The following ARHGAP32 variants were observed in gnomAD, a reference collection of about 807,000 sequenced individuals.
ARHGAP32 encodes the protein rho GTPase-activating protein 32.
Under a neutral mutation model 186.5 loss-of-function variants are expected in ARHGAP32, and 51 were observed. The observed-to-expected ratio is 0.27, with a 90% CI of 0.22 to 0.35. ARHGAP32 has a LOEUF of 0.35. Ranked by LOEUF, ARHGAP32 falls within the 10% of genes least tolerant of loss-of-function variation. The pLI, the probability that ARHGAP32 is intolerant of heterozygous loss-of-function variation, is 1.00. For synonymous variants in ARHGAP32, 950 were observed against 964.3 expected (o/e 0.99, Z 0.27); for missense variants, 2,186 against 2,623.5 (o/e 0.83, Z 3.64).
intron 2 of ARHGAP32, among the ~76,000 whole-genome samples, chr11:129,126,786 C>T (rs1344571830): frequency 6.6e-6 from 1 of 152,040 alleles, no homozygotes; most frequent in Non-Finnish European, 1.5e-5. Context: ...GGTCATTCAA[C>T]TGAAAGTACT....
Position 129,123,585 on chromosome 11 carries a change from A to G in ARHGAP32, c.360-55T>C. ...GATAGTGAAACAGTAAAAATTACTA[A>G]GTTTAAGGGAAAAATACAGTGGATT... On this transcript the variant is annotated intron_variant, in intron 4 of 22. Transcript: ENST00000682385. The surrounding 1 kb of genome is among the most constrained non-coding windows in gnomAD (Gnocchi z 4.6). The G allele has an allele frequency of 6.7e-7, 1 of 1,493,984 alleles. No individual in the cohort carries two copies. Among genetic ancestry groups the G allele is most frequent in the Non-Finnish European group, 9.3e-7 (1 of 1,079,326 alleles). 92.5% of individuals were successfully genotyped at this position (1,493,984 alleles called of 1,614,324 possible).
At chr11:129,013,185 G>A (rs1938169737) in intron 11 of ARHGAP32, among the ~76,000 whole-genome samples, 1 of 152,190 alleles carries the variant, frequency 6.6e-6, no homozygotes, top group Non-Finnish European at 1.5e-5. Context: ...AGATAATGGA[G>A]GGTGTCACTG....
intron 1 of ARHGAP32, among the ~76,000 whole-genome samples, chr11:129,184,940 T>C (rs1944128783): frequency 6.6e-6 from 1 of 152,084 alleles, no homozygotes; most frequent in Non-Finnish European, 1.5e-5. Flanking sequence ...AACTGATACA[T>C]TAAGATAGAA....
chr11:129,155,322 G>A (rs1943376266), intron 2 of ARHGAP32, among the ~76,000 whole-genome samples: 1 of 152,172 alleles, frequency 6.6e-6, no homozygotes, highest in Non-Finnish European at 1.5e-5. Flanking sequence ...AATAAGAAAA[G>A]AAGAAAGAGG....
intron 11 of ARHGAP32, among the ~76,000 whole-genome samples, chr11:129,024,556 C>T (rs758587579): frequency 1.2e-4 from 19 of 152,224 alleles, no homozygotes; most frequent in Admixed American, 5.2e-4. Flanking sequence ...GATTGTTATT[C>T]TACTAACACA....
rs149904518 is a variant in ARHGAP32 at position 128,999,621 on chromosome 11, C to G, written c.1046-1153G>C. ...CGGAACCTGCCGACATGTGATGTCTCCCCCAGACACCCAGCTTTAAAATTT... is the reference window on the plus strand; with the variant it reads ...CGGAACCTGCCGACATGTGATGTCTGCCCCAGACACCCAGCTTTAAAATTT... On this transcript the variant is annotated intron_variant, in intron 11 of 22. Transcript: ENST00000682385. Among the ~76,000 whole-genome samples, 657 of 152,234 alleles carry G rather than the reference C, an allele frequency of 4.3e-3. 6 individuals are homozygous for G. The highest frequency in any genetic ancestry group is 0.015 in the African/African-American group (619 of 41,538).
In ARHGAP32 at chr11:128,972,776, A is replaced by G. The variant is rs554154812; in HGVS notation, c.3730T>C (p.Phe1244Leu). The G allele has an allele frequency of 6.2e-7, 1 of 1,613,924 alleles. No individual in the cohort carries two copies. The highest frequency in any genetic ancestry group is 1.3e-5 in the African/African-American group (1 of 74,956). The change falls in exon 22 of 23, where the codon TTT becomes CTT. Residue 1244 changes from phenylalanine to leucine, a missense_variant. Physicochemically the swap from Phe to Leu is conservative, Grantham distance 22. Transcript: ENST00000682385. ...SVDKLHHPLE[F>L]ADKSPTPPNL... is the part of the protein sequence containing the mutation. Reference sequence around the variant, plus strand: ...GGAGGTGTGGGAGATTTGTCTGCAAATTCTAAAGGGTGATGGAGTTTATCC... The same window carrying G: ...GGAGGTGTGGGAGATTTGTCTGCAAGTTCTAAAGGGTGATGGAGTTTATCC...
chr11:129,118,930 G>T (rs917141540), intron 5 of ARHGAP32, among the ~76,000 whole-genome samples: 3 of 151,874 alleles, frequency 2.0e-5, no homozygotes, highest in Non-Finnish European at 2.9e-5. Context: ...ATGTGTCTCA[G>T]GAATATAAAG....
At chr11:129,126,412 T>C (rs1942660871) in intron 2 of ARHGAP32, among the ~76,000 whole-genome samples, 1 of 152,228 alleles carries the variant, frequency 6.6e-6, no homozygotes, top group South Asian at 2.1e-4. Flanking sequence ...TCAGTTTTTA[T>C]ACTGTGTTGC....
intron 10 of ARHGAP32, among the ~76,000 whole-genome samples, chr11:129,048,632 T>C (rs904810122): frequency 2.0e-5 from 3 of 152,014 alleles, no homozygotes; most frequent in East Asian, 1.9e-4. Context: ...CAAGAAGTAA[T>C]TGATGGGCAA....
intron 1 of ARHGAP32, among the ~76,000 whole-genome samples, chr11:129,218,321 T>C (rs1266082267): frequency 6.6e-6 from 1 of 152,194 alleles, no homozygotes; most frequent in African/African-American, 2.4e-5. Context: ...CCTTCTATAC[T>C]TAACATTGTT....
intron 15 of ARHGAP32, among the ~76,000 whole-genome samples, chr11:128,985,656 C>A (rs1197279993): frequency 1.3e-5 from 2 of 151,810 alleles, no homozygotes; most frequent in African/African-American, 4.8e-5. Flanking sequence ...AAACAAAAAA[C>A]CCCCAAGTTT....
chr11:129,171,863 T>C (rs1943769251), intron 1 of ARHGAP32, among the ~76,000 whole-genome samples: 1 of 152,168 alleles, frequency 6.6e-6, no homozygotes, highest in African/African-American at 2.4e-5. Flanking sequence ...TGGTTTGTAG[T>C]TCTCCTTGAA....
intron 6 of ARHGAP32, among the ~76,000 whole-genome samples, chr11:129,092,398 A>C (rs1459615535): frequency 3.3e-5 from 5 of 152,096 alleles, no homozygotes; most frequent in African/African-American, 1.2e-4. Flanking sequence ...ACTCTAGATA[A>C]AAAAGATATG....
Position 129,063,828 on chromosome 11 carries a change from G to A in ARHGAP32, c.885+74C>T, listed in dbSNP as rs1266248491. The A allele has an allele frequency of 2.8e-6, 4 of 1,441,076 alleles. No homozygotes were observed. The East Asian group carries it at 7.2e-5, about 26-fold the overall frequency. 89.3% of individuals were successfully genotyped at this position (1,441,076 alleles called of 1,614,324 possible). A position where few individuals can be genotyped will look rare whatever the true frequency, so the allele number is the denominator to read the frequency against. ...TCATTTTTTTAAAAATTAAGGAAAT[G>A]GTTAAGAACAGTCAAAGATGAGGCC... is the stretch of plus-strand genomic sequence containing the variant. On this transcript the variant is annotated intron_variant, in intron 9 of 22. Transcript: ENST00000682385.
At chr11:129,170,304 G>A (rs552946156) in intron 1 of ARHGAP32, among the ~76,000 whole-genome samples, 10 of 149,314 alleles carry the variant, frequency 6.7e-5, no homozygotes, top group Admixed American at 1.3e-4. Context: ...CTATTGACTC[G>A]TCCTCTACTT....
At chr11:129,239,857 C>T (rs1342349897) in intron 1 of ARHGAP32, among the ~76,000 whole-genome samples, 4 of 152,056 alleles carry the variant, frequency 2.6e-5, no homozygotes, top group Non-Finnish European at 5.9e-5. Flanking sequence ...CCAAAACTTA[C>T]AACACATACA....
At chr11:129,220,830 T>C (rs989472077) in intron 1 of ARHGAP32, among the ~76,000 whole-genome samples, 2 of 152,198 alleles carry the variant, frequency 1.3e-5, no homozygotes, top group African/African-American at 4.8e-5. Context: ...TATATTTTAT[T>C]CATTTTTACA....
chr11:128,978,295 A>G (rs1004084342), intron 19 of ARHGAP32, among the ~76,000 whole-genome samples: 1 of 152,190 alleles, frequency 6.6e-6, no homozygotes, highest in African/African-American at 2.4e-5. Flanking sequence ...ACTATTTTTA[A>G]AAGAGTACTT....
Sources: gnomAD v4.1 joint callset for allele counts (sites outside exome capture counted in the v4.1 genomes callset) on GRCh38, gnomAD v4.1.1 for gene constraint, Gnocchi (gnomAD v3.1) non-coding constraint, MANE v1.5 for transcripts, NCBI Gene and HGNC (gene_info 2026-07-23, HGNC 2026-07-21) for gene names.